Variants in TMEM266 observed in about 807,000 individuals in gnomAD.
The protein encoded by TMEM266 is transmembrane protein 266.
A neutral mutation model predicts 50.5 loss-of-function variants in TMEM266; 33 were observed. That is an observed-to-expected ratio of 0.65 (90% CI 0.50 to 0.87). The LOEUF is 0.87. TMEM266 is among the 40% of genes least tolerant of loss of function. TMEM266 has a pLI of 0.00. For missense variants in TMEM266, 655 were observed against 695.1 expected, an observed-to-expected ratio of 0.94 and a Z score of 0.65; for synonymous variants, 310 against 292.3, an observed-to-expected ratio of 1.06 and a Z score of -0.62.
In TMEM266 at chr15:76,204,066, GGAC is replaced by G; in HGVS notation, c.1348_1350del (p.Asp450del). 1 of 1,612,268 alleles carries G rather than the reference GGAC, an allele frequency of 6.2e-7. No individual in the cohort carries two copies. Among genetic ancestry groups the G allele is most frequent in the Non-Finnish European group, 8.5e-7 (1 of 1,179,202 alleles). On this transcript the variant is annotated inframe_deletion, in exon 11 of 11. Transcript: ENST00000388942. ...AGGACCTGCTGTCCTCCCTGTCGGA[GGAC>G]CCCTGCCCTTCCCAGAAGGCCTTGG... is the stretch of plus-strand genomic sequence containing the variant.
chr15:76,089,618 C>G (rs1410701413), intron 1 of TMEM266, among the ~76,000 whole-genome samples: 1 of 152,080 alleles, frequency 6.6e-6, no homozygotes, highest in African/African-American at 2.4e-5. Context: ...TTTAAACATT[C>G]TGTGAGCAGG....
intron 7 of TMEM266, among the ~76,000 whole-genome samples, chr15:76,173,014 TA>T (rs1166460362): frequency 1.3e-5 from 2 of 152,160 alleles, no homozygotes; most frequent in Admixed American, 1.3e-4. Context: ...ATCACGGAGC[TA>T]CCGGGAGCCT....
Position 76,196,693 on chromosome 15 carries a change from G to A in TMEM266, c.958+4536G>A, listed in dbSNP as rs568723238. ...TGAGTCACAGAGCCTCGGGAGGGCC[G>A]TGTGTTTTGCAGGGTGGGGGAGGGC... On this transcript the variant is annotated intron_variant, in intron 9 of 10. Coordinates refer to ENST00000388942, the MANE Select transcript of TMEM266 (RefSeq NM_152335.3). 1.5e-3 allele frequency among the ~76,000 whole-genome samples: 227 copies of A among 152,138 alleles called. 1 individual carries two copies. The highest frequency in any genetic ancestry group is 3.4e-3 in the Middle Eastern group (1 of 294).
At chr15:76,093,321 A>T (rs1596099829) in intron 1 of TMEM266, among the ~76,000 whole-genome samples, 1 of 143,260 alleles carries the variant, frequency 7.0e-6, no homozygotes, top group Non-Finnish European at 1.5e-5. Flanking sequence ...CTGGTGTGTG[A>T]TGTTCCCCTC....
intron 3 of TMEM266, among the ~76,000 whole-genome samples, chr15:76,152,921 G>A (rs1330346417): frequency 2.0e-5 from 3 of 152,096 alleles, no homozygotes; most frequent in East Asian, 3.9e-4. Context: ...TGGTGGGGGC[G>A]GCGTTCATTT....
At chr15:76,088,304 T>C (rs2036801713) in intron 1 of TMEM266, among the ~76,000 whole-genome samples, 1 of 152,180 alleles carries the variant, frequency 6.6e-6, no homozygotes, top group Non-Finnish European at 1.5e-5. Flanking sequence ...AGCAGGGTAC[T>C]CTGGGAGTGT....
In TMEM266 at chr15:76,203,985, C is replaced by T. The variant is rs775662721; in HGVS notation, c.1266C>T (p.Pro422=). Residue 422 remains proline (P), a synonymous_variant, in exon 11 of 11, where the codon CCC becomes CCT. Transcript: ENST00000388942. ...CCCGCGAGGAGCCGTCCTCTGAGCCCGGCCCTTCTCCCCCGCCGCTGCCAT... is the reference window on the plus strand; with the variant it reads ...CCCGCGAGGAGCCGTCCTCTGAGCCTGGCCCTTCTCCCCCGCCGCTGCCAT... ...SEPGPSPPPL[P]SQQQVEEATV... The T allele has an allele frequency of 1.8e-5, 29 of 1,608,646 alleles. 1 individual carries two copies. Among genetic ancestry groups the T allele is most frequent in the Middle Eastern group, 1.6e-4 (1 of 6,064 alleles).
chr15:76,174,526 G>A (rs962716549), intron 7 of TMEM266, among the ~76,000 whole-genome samples: 1 of 152,122 alleles, frequency 6.6e-6, no homozygotes, highest in Non-Finnish European at 1.5e-5. Context: ...CTCCAGCCTG[G>A]GTGACAGCAA....
chr15:76,074,290 C>A (rs1362477918), intron 1 of TMEM266, among the ~76,000 whole-genome samples: 1 of 151,886 alleles, frequency 6.6e-6, no homozygotes, highest in African/African-American at 2.4e-5. Context: ...ACATAACTTG[C>A]AATTTACAGT....
At chr15:76,199,133 T>G (rs1026971814) in intron 9 of TMEM266, among the ~76,000 whole-genome samples, 3 of 152,210 alleles carry the variant, frequency 2.0e-5, no homozygotes, top group Admixed American at 6.5e-5. Context: ...GGTCACAGAC[T>G]TGGTGGAAGT....
At chr15:76,143,255 CCTCT>C (rs970197040) in intron 3 of TMEM266, among the ~76,000 whole-genome samples, 3 of 152,308 alleles carry the variant, frequency 2.0e-5, no homozygotes, top group Middle Eastern at 3.4e-3. Flanking sequence ...GCCACCATTA[CCTCT>C]CTTTTTCTTT....
At chr15:76,095,321 G>T (rs2036907727) in intron 1 of TMEM266, among the ~76,000 whole-genome samples, 1 of 152,056 alleles carries the variant, frequency 6.6e-6, no homozygotes, top group African/African-American at 2.4e-5. Flanking sequence ...TTTTTAGCAT[G>T]AAGGGCTGTT....
intron 3 of TMEM266, among the ~76,000 whole-genome samples, chr15:76,149,279 C>A (rs1278564740): frequency 1.3e-5 from 2 of 152,212 alleles, no homozygotes; most frequent in Middle Eastern, 3.4e-3. Context: ...CTTTTTCCTC[C>A]CCTTGTTTGT....
At chr15:76,138,007 A>T (rs1203735703) in intron 3 of TMEM266, 112 bp downstream of exon 3, 20 of 1,105,260 alleles carry the variant, frequency 1.8e-5, no homozygotes, top group Non-Finnish European at 2.4e-5. Context: ...AGATCACCTG[A>T]GGTTAGGAGT....
chr15:76,200,876 A>AT lies in TMEM266; in HGVS notation c.959-1323dup, dbSNP rs2038734996. Among the ~76,000 whole-genome samples the AT allele has an allele frequency of 2.6e-5, 4 of 152,326 alleles. No homozygotes were observed. In the South Asian group the frequency reaches 8.3e-4, roughly 32 times the overall value. On this transcript the variant is annotated intron_variant, in intron 9 of 10. Transcript: ENST00000388942. ...GCAAAACACACCTCTGACTGCAGGC[A>AT]TTTAAAGATCAAAAGAGGCCAGAAA...
At chr15:76,169,971 G>T in intron 6 of TMEM266, 99 bp downstream of exon 6, 1 of 1,347,264 alleles carries the variant, frequency 7.4e-7, no homozygotes, top group South Asian at 1.2e-5. Flanking sequence ...CATCAAGAAG[G>T]CTGGTTCCTT....
intron 8 of TMEM266, among the ~76,000 whole-genome samples, chr15:76,178,941 A>T (rs6495195): frequency 0.084 from 12,833 of 152,298 alleles, 600 homozygotes; most frequent in Middle Eastern, 0.12. Context: ...CCAGGAGGGC[A>T]GCTCTCCTGG....
intron 3 of TMEM266, among the ~76,000 whole-genome samples, chr15:76,145,239 T>G (rs2037740144): frequency 6.6e-6 from 1 of 152,196 alleles, no homozygotes; most frequent in South Asian, 2.1e-4. Flanking sequence ...GTGTGGAACC[T>G]GGACCTCACC....
At chr15:76,067,640 AAAAAAAAAAG>A (rs1293885054) in intron 1 of TMEM266, among the ~76,000 whole-genome samples, 3 of 141,092 alleles carry the variant, frequency 2.1e-5, no homozygotes, top group Non-Finnish European at 3.0e-5. Context: ...CTCAAAAAAA[AAAAAAAAAAG>A]AAAAGAAAAG....
Sources: gnomAD v4.1 joint callset for allele counts (sites outside exome capture counted in the v4.1 genomes callset) on GRCh38, gnomAD v4.1.1 for gene constraint, MANE v1.5 for transcripts, NCBI Gene and HGNC (gene_info 2026-07-23, HGNC 2026-07-21) for gene names.